The following NUP205 variants were observed in gnomAD, a reference collection of about 807,000 sequenced individuals.
The protein encoded by NUP205 is nucleoporin 205.
A neutral mutation model predicts 253.8 loss-of-function variants in NUP205; 76 were observed. That is an observed-to-expected ratio of 0.30 (90% CI 0.25 to 0.36). The LOEUF is 0.36. Ranked by LOEUF, NUP205 falls within the 10% of genes least tolerant of loss-of-function variation. NUP205 has a pLI of 1.00. For synonymous variants in NUP205, 832 were observed against 850.1 expected, an observed-to-expected ratio of 0.98 and a Z score of 0.37; for missense variants, 2,162 against 2,425.5, an observed-to-expected ratio of 0.89 and a Z score of 2.28.
At chr7:135,615,324 G>A (rs1794333144) in intron 23 of NUP205, among the ~76,000 whole-genome samples, 2 of 152,108 alleles carry the variant, frequency 1.3e-5, no homozygotes, top group South Asian at 4.1e-4. Context: ...GCTTAGGTAG[G>A]CTGAGACAGG....
chr7:135,598,091 C>T lies in NUP205; in HGVS notation c.2158C>T (p.Pro720Ser), dbSNP rs1018687941. 3 of 1,613,978 alleles carry T rather than the reference C, an allele frequency of 1.9e-6. No individual in the cohort carries two copies. Among genetic ancestry groups the T allele is most frequent in the Non-Finnish European group, 8.5e-7 (1 of 1,180,006 alleles). The change falls in exon 15 of 43, where the codon CCT (proline) becomes TCT (serine). Residue 720 changes from proline (P) to serine (S), a missense_variant. By Grantham distance (74) the Pro-to-Ser change is moderately conservative (BLOSUM62 -1). This residue lies in a region of NUP205 where 892 missense variants were observed against 957.1 expected (regional missense o/e 0.93). Coordinates refer to ENST00000285968, the MANE Select transcript of NUP205 (RefSeq NM_015135.3). ...LISTLVESSF[P>S]SNLGAGLRPP... ...TAGTACTCTGGTGGAGAGCTCATTT[C>T]CTTCTAATTTGGGTGCTGGACTGCG...
At chr7:135,619,234 C>T (rs1325352569) in intron 28 of NUP205, among the ~76,000 whole-genome samples, 189 bp from the exon 29 acceptor site, 2 of 151,336 alleles carry the variant, frequency 1.3e-5, no homozygotes, top group Non-Finnish European at 2.9e-5. Context: ...GTCACAGTTG[C>T]GGGAGGCTGA....
intron 3 of NUP205, among the ~76,000 whole-genome samples, 160 bp from the exon 4 acceptor site, chr7:135,576,110 A>T (rs575550520): frequency 6.6e-6 from 1 of 152,174 alleles, no homozygotes; most frequent in Non-Finnish European, 1.5e-5. Context: ...TTGAGCAAGA[A>T]GTTAGACAGT....
chr7:135,600,838 A>G (rs961211865), intron 15 of NUP205, 32 bp from the exon 16 acceptor site: 3 of 1,352,302 alleles, frequency 2.2e-6, no homozygotes, highest in Non-Finnish European at 3.2e-6. Context: ...GGTCTGTTTT[A>G]TTGTTATTGA....
At chr7:135,564,254 T>TC (rs1381187908) in intron 1 of NUP205, among the ~76,000 whole-genome samples, 1 of 149,794 alleles carries the variant, frequency 6.7e-6, no homozygotes, top group East Asian at 2.0e-4. Flanking sequence ...TATTTTTTTT[T>TC]TTTTTTTTTT....
At chr7:135,603,466 A>G (rs898167845) in intron 18 of NUP205, among the ~76,000 whole-genome samples, 10 of 148,692 alleles carry the variant, frequency 6.7e-5, no homozygotes, top group Admixed American at 4.7e-4. Flanking sequence ...TCTGAACTTT[A>G]CAATTTCTTC....
At chr7:135,629,469 ATCTCTCTCTCTCTCTC>A (rs201403059) in intron 34 of NUP205, among the ~76,000 whole-genome samples, 64 of 119,802 alleles carry the variant, frequency 5.3e-4, no homozygotes, top group African/African-American at 1.3e-3. Flanking sequence ...GTGAGACCCT[ATCTCTCTCTCTCTCTC>A]TCTCTCTCTC....
rs1237596009 is a variant in NUP205, at chr7:135,577,089, G to A, written c.609G>A (p.Gln203=). 2 of 1,613,856 alleles carry A rather than the reference G, an allele frequency of 1.2e-6. No homozygotes were observed. Among genetic ancestry groups the A allele is most frequent in the Non-Finnish European group, 8.5e-7 (1 of 1,179,940 alleles). Residue 203 remains glutamine, a synonymous_variant, in exon 5 of 43, where the codon CAG becomes CAA. Transcript: ENST00000285968. ...IDVNNEFEKL[Q]RERGLGSEKH... ...TGAATAATGAGTTTGAGAAACTACA[G>A]CGAGAGAGAGGTTTGGGCAGTGAAA...
At chr7:135,563,402 CG>C (rs1226690502) in intron 1 of NUP205, among the ~76,000 whole-genome samples, 6 of 151,748 alleles carry the variant, frequency 4.0e-5, no homozygotes, top group African/African-American at 1.5e-4. Context: ...TTGGCCAGGA[CG>C]GTCTTGATCT....
chr7:135,594,567 A>T lies in NUP205; in HGVS notation c.1851A>T (p.Ala617=), dbSNP rs7800214. 4.4e-6 allele frequency: 7 copies of T among 1,600,154 alleles called. No individual in the cohort carries two copies. The highest frequency in any genetic ancestry group is 4.1e-5 in the African/African-American group (3 of 73,998). The change falls in exon 13 of 43, where the codon GCA becomes GCT. Residue 617 remains alanine, a synonymous_variant. Transcript: ENST00000285968. ...IITWSENARL[A]LCEHPQWTPV... ...CTTAGAGTGAAAATGCTCGCTTGGC[A>T]CTCTGTGAACACCCTCAGTGGACCC...
At position 135,643,197 on chromosome 7, in the gene NUP205, C is replaced by T. The variant is rs1245512797; in HGVS notation, c.5398C>T (p.Gln1800Ter). ...VNRDGPRQDT[Q>*]APVVPYWRLP... ...TATGTCATCACCTCTATTAGATACC[C>T]AAGCTCCAGTGGTTCCATACTGGCG... Residue 1800 changes from glutamine (Q) to a stop codon, truncating the protein, a stop_gained, in exon 39 of 43, where the codon CAA (glutamine) becomes TAA (stop). Coordinates refer to ENST00000285968, the MANE Select transcript of NUP205 (RefSeq NM_015135.3). LOFTEE classifies it high-confidence loss of function. 6.2e-7 allele frequency: 1 copy of T among 1,613,464 alleles called. No homozygotes were observed. The highest frequency in any genetic ancestry group is 1.3e-5 in the African/African-American group (1 of 74,884).
chr7:135,645,927 A>G, intron 41 of NUP205: 2 of 584,750 alleles, frequency 3.4e-6, no homozygotes, highest in Middle Eastern at 4.5e-4. Flanking sequence ...ACTGATGGCC[A>G]TATATTGGAT....
intron 2 of NUP205, among the ~76,000 whole-genome samples, chr7:135,572,487 C>G (rs1806024132): frequency 6.6e-6 from 1 of 152,242 alleles, no homozygotes; most frequent in South Asian, 2.1e-4. Context: ...AAATTCTTTG[C>G]AATAGCAATA....
intron 22 of NUP205, among the ~76,000 whole-genome samples, chr7:135,613,480 T>TA (rs1794286457): frequency 6.6e-6 from 1 of 151,956 alleles, no homozygotes; most frequent in East Asian, 1.9e-4. Context: ...ATGTAACTCT[T>TA]ATGGTTCTCA....
At chr7:135,641,909 A>G (rs979603545) in intron 38 of NUP205, among the ~76,000 whole-genome samples, 4 of 149,886 alleles carry the variant, frequency 2.7e-5, no homozygotes, top group African/African-American at 9.9e-5. Context: ...TTCAGTATTC[A>G]TGGCAGTTTG....
Position 135,622,815 on chromosome 7 carries a change from G to T in NUP205, c.4369G>T (p.Asp1457Tyr), listed in dbSNP as rs1252750646. 2 of 1,613,942 alleles carry T rather than the reference G, an allele frequency of 1.2e-6. No individual in the cohort carries two copies. Among genetic ancestry groups the T allele is most frequent in the African/African-American group, 2.7e-5 (2 of 74,882 alleles). The change falls in exon 31 of 43, where the codon GAT (aspartate) becomes TAT (tyrosine). Residue 1457 changes from aspartate (D) to tyrosine (Y), a missense_variant. Coordinates refer to ENST00000285968, the MANE Select transcript of NUP205 (RefSeq NM_015135.3). Reference protein sequence around the residue: ...TMWERLTAPEDVFSKLQRENI... With the variant: ...TMWERLTAPEYVFSKLQRENI... ...GTGGGAAAGGCTGACAGCCCCTGAA[G>T]ATGTATTTAGCAAATTACAGCGAGA...
In NUP205 at chr7:135,607,171, CT is replaced by C; in HGVS notation, c.3071-72del. On this transcript the variant is annotated intron_variant, in intron 21 of 42. Transcript: ENST00000285968. ...TACAGCATATATTTAAAGAATTTAA[CT>C]TTTGAAAAGGCAGTCTAAGATTTTA... 2.6e-6 allele frequency: 4 copies of C among 1,552,018 alleles called. No homozygotes were observed. In the South Asian group the frequency reaches 3.6e-5, roughly 14 times the overall value.
chr7:135,600,331 C>T (rs1793940294), intron 15 of NUP205, among the ~76,000 whole-genome samples: 1 of 152,146 alleles, frequency 6.6e-6, no homozygotes, highest in African/African-American at 2.4e-5. Flanking sequence ...CCTTCTTTGA[C>T]TATAGTCACG....
intron 15 of NUP205, chr7:135,598,937 C>CTATAATACTGTT (rs1478692607): frequency 1.3e-5 from 2 of 152,016 alleles, no homozygotes; most frequent in Admixed American, 6.6e-5. Flanking sequence ...TCACGTTAGT[C>CTATAATACTGTT]TATAATACTG....
Sources: allele counts gnomAD v4.1 joint callset (sites outside exome capture counted in the v4.1 genomes callset), GRCh38; gene constraint gnomAD v4.1.1; regional missense constraint gnomAD v4.1.1; transcripts MANE v1.5; gene names NCBI Gene and HGNC (gene_info 2026-07-23, HGNC 2026-07-21).